GGPS1: variants seen among roughly 807,000 people sequenced by gnomAD.
GGPS1 encodes geranylgeranyl diphosphate synthase 1.
A neutral mutation model predicts 28.1 loss-of-function variants in GGPS1; 15 were observed. The ratio of observed to expected loss-of-function variants is 0.53; its 90% CI spans 0.36 to 0.82. GGPS1 has a LOEUF of 0.82. Among genes scored for constraint, GGPS1 ranks in the 40% least tolerant of loss-of-function variants. The pLI is 0.01. For missense variants in GGPS1, 284 were observed against 348.3 expected (o/e 0.82, Z 1.47); for synonymous variants, 138 against 122.4 (o/e 1.13, Z -0.84).
chr1:235,339,117 T>C (rs1239422573), intron 2 of GGPS1, among the ~76,000 whole-genome samples: 1 of 151,938 alleles, frequency 6.6e-6, no homozygotes, highest in Non-Finnish European at 1.5e-5. Context: ...CTGGCCAACA[T>C]GATGAAACCG....
At chr1:235,333,289 G>C (rs1675772554) in intron 1 of GGPS1, among the ~76,000 whole-genome samples, 1 of 151,762 alleles carries the variant, frequency 6.6e-6, no homozygotes, top group Admixed American at 6.6e-5. Context: ...GGATCAGGCC[G>C]GGCACAGTAG....
chr1:235,340,517 A>T (rs1314789787), intron 2 of GGPS1, among the ~76,000 whole-genome samples: 1 of 151,166 alleles, frequency 6.6e-6, no homozygotes, highest in East Asian at 2.0e-4. Context: ...CGGGCGGATC[A>T]CGAGGTCAGG....
chr1:235,329,872 T>C (rs1572265264), intron 1 of GGPS1: 1 of 152,230 alleles, frequency 6.6e-6, no homozygotes, highest in African/African-American at 2.4e-5. Context: ...GCCGTAGTAG[T>C]TCACATGGTG....
In GGPS1 at chr1:235,334,382, A is replaced by G. The variant is rs184283924; in HGVS notation, c.-23-860A>G. Among the ~76,000 whole-genome samples the G allele has an allele frequency of 6.6e-5, 10 of 152,378 alleles. No individual in the cohort carries two copies. In the East Asian group the frequency reaches 1.9e-3, roughly 29 times the overall value. On this transcript the variant is annotated intron_variant, in intron 1 of 3. Coordinates refer to ENST00000282841, the MANE Select transcript of GGPS1 (RefSeq NM_004837.4). ...AAAGCTTAATATAAGTTATGTGACT[A>G]AGAAAACAACTTAAAAACCAAGACA... is the stretch of plus-strand genomic sequence containing the variant.
At chr1:235,339,214 G>T (rs900767583) in intron 2 of GGPS1, among the ~76,000 whole-genome samples, 1 of 151,612 alleles carries the variant, frequency 6.6e-6, no homozygotes, top group Non-Finnish European at 1.5e-5. Context: ...CAGGAGAATC[G>T]CTTGAACCTA....
intron 1 of GGPS1, among the ~76,000 whole-genome samples, chr1:235,331,111 T>A (rs1281901404): frequency 6.6e-6 from 1 of 152,246 alleles, no homozygotes; most frequent in Non-Finnish European, 1.5e-5. Context: ...AATAGGTTTT[T>A]GCCTAATAGG....
At position 235,340,699 on chromosome 1, in the gene GGPS1, G is replaced by A. The variant is rs531182139; in HGVS notation, c.71-1009G>A. 1.3e-3 allele frequency among the ~76,000 whole-genome samples: 149 copies of A among 118,870 alleles called. 1 individual carries two copies. Among genetic ancestry groups the A allele is most frequent in the African/African-American group, 4.8e-3 (146 of 30,344 alleles). The allele number at this position is 118,870 out of a possible 152,430, so 78.0% of individuals were successfully genotyped here. ...TGCAGTGAGCCGAGATCGCGCCACT[G>A]CACTCCAGCCTGGGCGACAGAGCGA... On this transcript the variant is annotated intron_variant, in intron 2 of 3. Coordinates refer to ENST00000282841, the MANE Select transcript of GGPS1 (RefSeq NM_004837.4).
At position 235,342,521 on chromosome 1, in the gene GGPS1, A is replaced by G. The variant is rs760202011; in HGVS notation, c.652A>G (p.Ile218Val). ...AGAGGGAAAGTTCTCATTTCCTACT[A>G]TTCATGCTATTTGGTCAAGGCCTGA... ...LTEGKFSFPT[I>V]HAIWSRPEST... Residue 218 changes from isoleucine to valine, a missense_variant, in exon 4 of 4, where the codon ATT (isoleucine) becomes GTT (valine). Coordinates refer to ENST00000282841, the MANE Select transcript of GGPS1 (RefSeq NM_004837.4). 3.7e-6 allele frequency: 6 copies of G among 1,613,658 alleles called. No individual in the cohort carries two copies. Among genetic ancestry groups the G allele is most frequent in the African/African-American group, 1.3e-5 (1 of 74,942 alleles).
At chr1:235,333,188 C>T (rs974201400) in intron 1 of GGPS1, among the ~76,000 whole-genome samples, 4 of 151,890 alleles carry the variant, frequency 2.6e-5, no homozygotes, top group Admixed American at 1.3e-4. Context: ...TTCCAGTTCC[C>T]CTAACATTCT....
At chr1:235,333,392 A>G (rs1329758230) in intron 1 of GGPS1, among the ~76,000 whole-genome samples, 1 of 151,730 alleles carries the variant, frequency 6.6e-6, no homozygotes, top group Admixed American at 6.6e-5. Context: ...ACATAGTGAA[A>G]CCCCATCTCT....
Position 235,344,022 on chromosome 1 carries a change from GA to G in GGPS1, c.*1254del, listed in dbSNP as rs1572276748. The G allele has an allele frequency of 1.8e-5, 3 of 166,770 alleles. No individual in the cohort carries two copies. Among genetic ancestry groups the G allele is most frequent in the Non-Finnish European group, 2.9e-5 (2 of 68,084 alleles). The allele number at this position is 166,770 out of a possible 1,614,324, so 10.3% of individuals were successfully genotyped here. A position where few individuals can be genotyped will look rare whatever the true frequency, so the allele number is the denominator to read the frequency against. On this transcript the variant is annotated 3_prime_UTR_variant, in exon 4 of 4. Transcript: ENST00000282841. ...AGTGTTAGCCTGAGAGGGCCTGACT[GA>G]AAAGTAACCAAAGGCTTAATATCAA...
At chr1:235,330,828 G>T (rs561523297) in intron 1 of GGPS1, among the ~76,000 whole-genome samples, 1 of 152,306 alleles carries the variant, frequency 6.6e-6, no homozygotes, top group South Asian at 2.1e-4. Flanking sequence ...TGTTTTGGAG[G>T]CTGTGAGAAA....
At chr1:235,340,925 A>C (rs557734013) in intron 2 of GGPS1, among the ~76,000 whole-genome samples, 45 of 152,264 alleles carry the variant, frequency 3.0e-4, no homozygotes, top group Non-Finnish European at 5.3e-4. Flanking sequence ...CCTTAATTCA[A>C]AGGAGAAATA....
At chr1:235,336,530 A>C (rs1198669962) in intron 2 of GGPS1, among the ~76,000 whole-genome samples, 1 of 152,230 alleles carries the variant, frequency 6.6e-6, no homozygotes. Context: ...GTGGTGGCCC[A>C]CACCTGTATT....
chr1:235,335,384 T>C (rs559999785), intron 2 of GGPS1, 50 bp downstream of exon 2: 3 of 837,776 alleles, frequency 3.6e-6, no homozygotes, highest in Admixed American at 2.3e-5. Context: ...GCAGTAGTGG[T>C]CGTTCAAATG....
chr1:235,332,872 A>C (rs1675757501), intron 1 of GGPS1, among the ~76,000 whole-genome samples: 1 of 152,006 alleles, frequency 6.6e-6, no homozygotes, highest in South Asian at 2.1e-4. Flanking sequence ...GCTGATTTAG[A>C]AATCGAGGAA....
intron 2 of GGPS1, among the ~76,000 whole-genome samples, chr1:235,338,451 AATATT>A (rs1380423247): frequency 1.3e-5 from 2 of 152,194 alleles, no homozygotes; most frequent in Non-Finnish European, 2.9e-5. Flanking sequence ...AGGGGAAAAA[AATATT>A]AAAACTGTAG....
chr1:235,335,322 C>T lies in GGPS1; in HGVS notation c.58C>T (p.Leu20Phe). 1.3e-6 allele frequency: 2 copies of T among 1,489,296 alleles called. No homozygotes were observed. The highest frequency in any genetic ancestry group is 1.9e-6 in the Non-Finnish European group (2 of 1,068,556). 92.3% of individuals were successfully genotyped at this position (1,489,296 alleles called of 1,614,324 possible). A position where few individuals can be genotyped will look rare whatever the true frequency, so the allele number is the denominator to read the frequency against. The change falls in exon 2 of 4, where the codon CTT (leucine) becomes TTT (phenylalanine). Residue 20 changes from leucine (L) to phenylalanine (F), a missense_variant. Leu to Phe is a conservative substitution (Grantham distance 22). Transcript: ENST00000282841. ...TCTTCTAGAACCCTATAAATACTTA[C>T]TTCAGTTACCAGGTAATACTTCACT... is the stretch of plus-strand genomic sequence containing the variant. ...RILLEPYKYL[L>F]QLPGKQVRTK... is the part of the protein sequence containing the mutation.
At chr1:235,332,612 T>C (rs1326170370) in intron 1 of GGPS1, among the ~76,000 whole-genome samples, 1 of 152,214 alleles carries the variant, frequency 6.6e-6, no homozygotes, top group East Asian at 1.9e-4. Context: ...GCTGCATGTA[T>C]ATGAATCAGT....
Sources: allele counts gnomAD v4.1 joint callset (sites outside exome capture counted in the v4.1 genomes callset), GRCh38; gene constraint gnomAD v4.1.1; transcripts MANE v1.5; gene names NCBI Gene and HGNC (gene_info 2026-07-23, HGNC 2026-07-21).